DCLK1: variants seen among roughly 807,000 people sequenced by gnomAD.
DCLK1 encodes serine/threonine-protein kinase DCLK1.
Under a neutral mutation model 86.2 loss-of-function variants are expected in DCLK1, and 16 were observed. That is an observed-to-expected ratio of 0.19 (90% CI 0.13 to 0.28). DCLK1 has a LOEUF of 0.28. Among genes scored for constraint, DCLK1 ranks in the 10% least tolerant of loss-of-function variants. DCLK1 has a pLI of 1.00. For synonymous variants in DCLK1, 369 were observed against 370.5 expected (o/e 1.00, Z 0.05); for missense variants, 590 against 940.2 (o/e 0.63, Z 4.87).
chr13:36,024,169 C>T (rs1881932916), intron 3 of DCLK1, among the ~76,000 whole-genome samples: 1 of 151,986 alleles, frequency 6.6e-6, no homozygotes. Flanking sequence ...GCTGGGATTA[C>T]AGGCATGAGC....
At chr13:36,070,497 G>A (rs2153161214) in intron 3 of DCLK1, among the ~76,000 whole-genome samples, 1 of 152,252 alleles carries the variant, frequency 6.6e-6, no homozygotes, top group South Asian at 2.1e-4. Context: ...ATCAAACAAG[G>A]TCACACTAAT....
intron 12 of DCLK1, 92 bp downstream of exon 12, chr13:35,810,743 C>A: frequency 7.0e-7 from 1 of 1,429,722 alleles, no homozygotes; most frequent in South Asian, 1.5e-5. Flanking sequence ...CTAATTATGT[C>A]TGGATAGGGC....
At chr13:35,921,244 T>C (rs1245489238) in intron 4 of DCLK1, among the ~76,000 whole-genome samples, 2 of 152,132 alleles carry the variant, frequency 1.3e-5, no homozygotes, top group Non-Finnish European at 2.9e-5. Context: ...CCACTTTTTC[T>C]CTCCCTCCTT....
rs1344164548 is a variant in DCLK1, at chr13:35,985,564, T to A, written c.724-38107A>T. Among the ~76,000 whole-genome samples the A allele has an allele frequency of 3.3e-5, 5 of 152,154 alleles. 1 individual carries two copies. The highest frequency in any genetic ancestry group is 1.2e-4 in the African/African-American group (5 of 41,432). On this transcript the variant is annotated intron_variant, in intron 3 of 16. Coordinates refer to ENST00000360631, the MANE Select transcript of DCLK1 (RefSeq NM_001330071.2). The stretch of plus-strand genomic sequence containing the variant: ...TATTTTGCAATTAGCAAAGGGTAAG[T>A]GACTGAAAGGTAATTGACAACTCTC...
At chr13:35,812,134 A>C (rs1354302360) in intron 11 of DCLK1, among the ~76,000 whole-genome samples, 1 of 152,168 alleles carries the variant, frequency 6.6e-6, no homozygotes, top group African/African-American at 2.4e-5. Flanking sequence ...AAGTATTTAT[A>C]CTCCTTTAAT....
intron 3 of DCLK1, among the ~76,000 whole-genome samples, chr13:36,070,344 G>T (rs1211051567): frequency 6.6e-6 from 1 of 152,154 alleles, no homozygotes; most frequent in Admixed American, 6.5e-5. Flanking sequence ...AAAGGGCTGA[G>T]TACTCTATAA....
At chr13:35,888,202 A>C (rs6650456) in intron 4 of DCLK1, among the ~76,000 whole-genome samples, 3,909 of 152,252 alleles carry the variant, frequency 0.026, 152 homozygotes, top group African/African-American at 0.089. Context: ...TTTAATGAGA[A>C]GTATCCTTCC....
chr13:35,811,335 T>C (rs1489559316), intron 11 of DCLK1, among the ~76,000 whole-genome samples: 1 of 150,700 alleles, frequency 6.6e-6, no homozygotes, highest in Non-Finnish European at 1.5e-5. Flanking sequence ...AAAAAGTACA[T>C]ACAAAAAAAA....
intron 6 of DCLK1, among the ~76,000 whole-genome samples, chr13:35,842,898 C>A (rs187610652): frequency 6.6e-6 from 1 of 152,170 alleles, no homozygotes; most frequent in Non-Finnish European, 1.5e-5. Context: ...GGTAATCCAC[C>A]AATTCTTCAC....
Position 35,791,747 on chromosome 13 carries a change from GA to G in DCLK1, c.2058+1618del, listed in dbSNP as rs373145720. Among the ~76,000 whole-genome samples, 214 of 150,688 alleles carry G rather than the reference GA, an allele frequency of 1.4e-3. 5 individuals carry two copies. In the East Asian group the frequency reaches 0.04, roughly 28 times the overall value. ...AAGACTGATTAAAATAAAAGACCAG[GA>G]AAAAAAAAGAAAACAAAAGCAAAAT... On this transcript the variant is annotated intron_variant, in intron 16 of 16. Coordinates refer to ENST00000360631, the MANE Select transcript of DCLK1 (RefSeq NM_001330071.2).
At chr13:36,115,437 A>C (rs1255234116) in intron 2 of DCLK1, among the ~76,000 whole-genome samples, 1 of 152,208 alleles carries the variant, frequency 6.6e-6, no homozygotes, top group Non-Finnish European at 1.5e-5. Context: ...TTGAACAAGG[A>C]TGGCATGATT....
chr13:35,983,755 A>AT (rs779668989), intron 3 of DCLK1, among the ~76,000 whole-genome samples: 38 of 152,188 alleles, frequency 2.5e-4, no homozygotes, highest in Non-Finnish European at 4.4e-4. Flanking sequence ...ACCCAAAGAA[A>AT]TTTTTTAAAA....
At position 35,827,738 on chromosome 13, in the gene DCLK1, T is replaced by C; in HGVS notation, c.1304A>G (p.Asn435Ser). 1 of 1,613,800 alleles carries C rather than the reference T, an allele frequency of 6.2e-7. No homozygotes were observed. Among genetic ancestry groups the C allele is most frequent in the Admixed American group, 1.7e-5 (1 of 60,026 alleles). Residue 435 changes from asparagine to serine, a missense_variant, in exon 10 of 17, where the codon AAT becomes AGT. Asn to Ser is a conservative substitution (Grantham distance 46). Transcript: ENST00000360631. ...KCRGKEHMIQ[N>S]EVSILRRVKH... Reference sequence around the variant, plus strand: ...CACTCTTCTTAAAATAGACACTTCATTCTGGATCATGTGCTCCTGTCCAAA... The same window carrying C: ...CACTCTTCTTAAAATAGACACTTCACTCTGGATCATGTGCTCCTGTCCAAA...
At chr13:35,915,278 C>T (rs1294839506) in intron 4 of DCLK1, among the ~76,000 whole-genome samples, 1 of 152,218 alleles carries the variant, frequency 6.6e-6, no homozygotes, top group Non-Finnish European at 1.5e-5. Flanking sequence ...AAGAGAATAA[C>T]TTGGGTAGTA....
intron 3 of DCLK1, among the ~76,000 whole-genome samples, chr13:36,029,036 G>A (rs1394628537): frequency 6.6e-6 from 1 of 152,182 alleles, no homozygotes; most frequent in Non-Finnish European, 1.5e-5. Flanking sequence ...AGCAGCCCTT[G>A]GGGCTGCTCT....
intron 3 of DCLK1, among the ~76,000 whole-genome samples, chr13:36,011,432 G>C (rs1352794728): frequency 2.1e-4 from 27 of 131,068 alleles, no homozygotes; most frequent in African/African-American, 6.4e-4. Flanking sequence ...TTGTGTCTTT[G>C]TTCTCGTTGG....
intron 3 of DCLK1, among the ~76,000 whole-genome samples, chr13:35,950,653 G>T (rs1233043713): frequency 6.6e-6 from 1 of 152,164 alleles, no homozygotes; most frequent in Non-Finnish European, 1.5e-5. Flanking sequence ...TTGCTCAGTA[G>T]GTGTCAGATG....
At chr13:35,954,632 T>C (rs1877880701) in intron 3 of DCLK1, among the ~76,000 whole-genome samples, 1 of 152,192 alleles carries the variant, frequency 6.6e-6, no homozygotes, top group African/African-American at 2.4e-5. Flanking sequence ...ATGATAAATT[T>C]ATGAAAGTGA....
chr13:36,054,387 C>G (rs1192939561), intron 3 of DCLK1, among the ~76,000 whole-genome samples: 3 of 152,116 alleles, frequency 2.0e-5, no homozygotes, highest in African/African-American at 7.2e-5. Context: ...CTATCTTTTG[C>G]CAGTATCCAT....
Sources: allele counts gnomAD v4.1 joint callset (sites outside exome capture counted in the v4.1 genomes callset), GRCh38; gene constraint gnomAD v4.1.1; transcripts MANE v1.5; gene names NCBI Gene and HGNC (gene_info 2026-07-23, HGNC 2026-07-21).